CHRM2: variants seen among roughly 807,000 people sequenced by gnomAD.
CHRM2 encodes cholinergic receptor muscarinic 2.
A neutral mutation model predicts 25.0 loss-of-function variants in CHRM2; 8 were observed. The ratio of observed to expected loss-of-function variants is 0.32; its 90% CI spans 0.19 to 0.58. The LOEUF (loss-of-function observed/expected upper bound fraction) is 0.58, where lower values mean the gene tolerates loss of function less well. Ranked by LOEUF, CHRM2 falls within the 20% of genes least tolerant of loss-of-function variation. The pLI is 0.88. For synonymous variants in CHRM2, 202 were observed against 205.7 expected (o/e 0.98, Z 0.15); for missense variants, 440 against 567.1 (o/e 0.78, Z 2.28).
intron 2 of CHRM2, among the ~76,000 whole-genome samples, chr7:136,903,868 G>A (rs1275916901): frequency 6.6e-6 from 1 of 151,728 alleles, no homozygotes; most frequent in Non-Finnish European, 1.5e-5. Flanking sequence ...TTAAGGAGAT[G>A]ACCTTTATCA....
At chr7:136,872,195 T>C (rs1331186053) in intron 2 of CHRM2, among the ~76,000 whole-genome samples, 1 of 152,154 alleles carries the variant, frequency 6.6e-6, no homozygotes, top group Non-Finnish European at 1.5e-5. Context: ...AGAGGCATGT[T>C]TGTTTGTAGA....
intron 2 of CHRM2, among the ~76,000 whole-genome samples, chr7:136,930,463 A>C (rs191984587): frequency 6.6e-6 from 1 of 152,260 alleles, no homozygotes; most frequent in East Asian, 1.9e-4. Flanking sequence ...TAAAATCCTC[A>C]GCTTATTTGT....
intron 2 of CHRM2, among the ~76,000 whole-genome samples, chr7:136,940,031 GT>G (rs536503870): frequency 5.9e-5 from 9 of 152,262 alleles, no homozygotes; most frequent in Admixed American, 5.9e-4. Context: ...CAATATATTT[GT>G]GGATAAGAAG....
intron 2 of CHRM2, among the ~76,000 whole-genome samples, chr7:136,979,514 T>C (rs1003207097): frequency 3.3e-5 from 5 of 152,216 alleles, no homozygotes; most frequent in African/African-American, 1.2e-4. Flanking sequence ...TCATGAAGCC[T>C]TTCCCCAGGC....
intron 2 of CHRM2, among the ~76,000 whole-genome samples, chr7:136,922,902 G>A (rs1011896957): frequency 1.4e-4 from 22 of 152,214 alleles, no homozygotes; most frequent in African/African-American, 2.6e-4. Flanking sequence ...CAAAGGGATC[G>A]TAGAAGGTGA....
At chr7:136,905,649 T>TTAAG (rs1169133621) in intron 2 of CHRM2, among the ~76,000 whole-genome samples, 1 of 151,824 alleles carries the variant, frequency 6.6e-6, no homozygotes, top group East Asian at 1.9e-4. Context: ...TCAATCCCCT[T>TTAAG]TAAGTATTTT....
chr7:136,952,037 C>G (rs1162192641), intron 2 of CHRM2, among the ~76,000 whole-genome samples: 1 of 152,158 alleles, frequency 6.6e-6, no homozygotes, highest in Non-Finnish European at 1.5e-5. Flanking sequence ...CCTAGACCCT[C>G]AAATGCTAAA....
At chr7:136,948,394 T>C (rs1403385671) in intron 2 of CHRM2, among the ~76,000 whole-genome samples, 1 of 152,122 alleles carries the variant, frequency 6.6e-6, no homozygotes, top group Non-Finnish European at 1.5e-5. Context: ...TTCTGATTTA[T>C]AGTAAGTAGG....
In CHRM2 at chr7:137,016,455, A is replaced by C; in HGVS notation, c.*189A>C. 1.6e-6 allele frequency: 1 copy of C among 615,544 alleles called. No homozygotes were observed. The highest frequency in any genetic ancestry group is 2.9e-6 in the Non-Finnish European group (1 of 340,680). 38.1% of individuals were successfully genotyped at this position (615,544 alleles called of 1,614,324 possible). A position where few individuals can be genotyped will look rare whatever the true frequency, so the allele number is the denominator to read the frequency against. ...CAGTTTGCAAAAATTGCACCTTATAAACTGTCAGTATTAGGAGCAATGAGA... is the reference window on the plus strand; with the variant it reads ...CAGTTTGCAAAAATTGCACCTTATACACTGTCAGTATTAGGAGCAATGAGA... On this transcript the variant is annotated 3_prime_UTR_variant, in exon 4 of 4. Transcript: ENST00000680005.
chr7:136,899,305 T>C (rs551395876), intron 2 of CHRM2: 1 of 152,074 alleles, frequency 6.6e-6, no homozygotes, highest in Non-Finnish European at 1.5e-5. Context: ...TGATCCCACA[T>C]TGGGTACCCT....
At chr7:136,986,701 G>T (rs906528360) in intron 2 of CHRM2, among the ~76,000 whole-genome samples, 10 of 152,256 alleles carry the variant, frequency 6.6e-5, no homozygotes, top group African/African-American at 2.4e-4. Flanking sequence ...GCTAAGAAAT[G>T]TCAAATAATG....
At chr7:136,993,316 C>G (rs184689628) in intron 3 of CHRM2, among the ~76,000 whole-genome samples, 2 of 152,154 alleles carry the variant, frequency 1.3e-5, no homozygotes, top group Non-Finnish European at 2.9e-5. Context: ...ATGAGACTCC[C>G]TTGATTTCAA....
At chr7:136,886,328 G>A (rs1169752061) in intron 2 of CHRM2, among the ~76,000 whole-genome samples, 10 of 152,170 alleles carry the variant, frequency 6.6e-5, no homozygotes, top group Admixed American at 6.5e-4. Context: ...AATGGTCTGG[G>A]CTTTGGGTAA....
At chr7:137,008,564 T>G (rs1484248753) in intron 3 of CHRM2, among the ~76,000 whole-genome samples, 1 of 152,100 alleles carries the variant, frequency 6.6e-6, no homozygotes, top group Admixed American at 6.6e-5. Flanking sequence ...ATGCTACTTT[T>G]GAGATCTTAA....
chr7:137,005,336 AAAAT>A (rs1160891486), intron 3 of CHRM2, among the ~76,000 whole-genome samples: 1 of 152,186 alleles, frequency 6.6e-6, no homozygotes, highest in Admixed American at 6.6e-5. Flanking sequence ...AGACATGCTT[AAAAT>A]AAATATATAT....
intron 3 of CHRM2, among the ~76,000 whole-genome samples, chr7:137,008,013 T>C (rs1804562083): frequency 6.6e-6 from 1 of 152,078 alleles, no homozygotes; most frequent in Non-Finnish European, 1.5e-5. Flanking sequence ...ATTAACTGAA[T>C]ATTAAAAGAC....
chr7:136,995,671 G>A (rs1803546540), intron 3 of CHRM2, among the ~76,000 whole-genome samples: 1 of 151,992 alleles, frequency 6.6e-6, no homozygotes, highest in Admixed American at 6.6e-5. Context: ...GGCTGAGGTG[G>A]GAGGATTGCA....
chr7:136,886,072 T>C (rs1045201961), intron 2 of CHRM2, among the ~76,000 whole-genome samples: 2 of 152,144 alleles, frequency 1.3e-5, no homozygotes, highest in Non-Finnish European at 2.9e-5. Context: ...AAATCTGTCA[T>C]CGAAGGGAAA....
chr7:136,925,006 A>G (rs1441231545), intron 2 of CHRM2, among the ~76,000 whole-genome samples: 1 of 152,212 alleles, frequency 6.6e-6, no homozygotes, highest in Non-Finnish European at 1.5e-5. Flanking sequence ...TCAAATTTTT[A>G]CTGAATACAA....
Sources: gnomAD v4.1 joint callset for allele counts (sites outside exome capture counted in the v4.1 genomes callset) on GRCh38, gnomAD v4.1.1 for gene constraint, MANE v1.5 for transcripts, NCBI Gene and HGNC (gene_info 2026-07-23, HGNC 2026-07-21) for gene names.